The following PIBF1 variants were observed in gnomAD, a reference collection of about 807,000 sequenced individuals.
PIBF1 encodes progesterone immunomodulatory binding factor 1, also known as progesterone-induced-blocking factor 1.
PIBF1 carries 90 observed loss-of-function variants against 112.5 expected under a neutral mutation model. That is an observed-to-expected ratio of 0.80 (90% CI 0.67 to 0.95). The LOEUF (loss-of-function observed/expected upper bound fraction) is 0.95, where lower values mean the gene tolerates loss of function less well. Among genes scored for constraint, PIBF1 ranks in the 40% least tolerant of loss-of-function variants. PIBF1 has a pLI of 0.00. For missense variants in PIBF1, 915 were observed against 852.3 expected (o/e 1.07, Z -0.92); for synonymous variants, 301 against 288.6 (o/e 1.04, Z -0.44).
chr13:72,949,180 G>A (rs1252277260), intron 14 of PIBF1, among the ~76,000 whole-genome samples: 3 of 151,768 alleles, frequency 2.0e-5, no homozygotes. Flanking sequence ...AAGTGATTAA[G>A]CTTTTGGAAA....
chr13:72,963,654 A>G (rs1455530061), intron 14 of PIBF1, among the ~76,000 whole-genome samples: 1 of 152,142 alleles, frequency 6.6e-6, no homozygotes, highest in African/African-American at 2.4e-5. Flanking sequence ...AACCCACAAA[A>G]TGGAAGAAAA....
In PIBF1 at chr13:72,989,374, A is replaced by G. The variant is rs189660013; in HGVS notation, c.2050-9448A>G. Among the ~76,000 whole-genome samples, 146 of 151,212 alleles carry G rather than the reference A, an allele frequency of 9.7e-4. 1 individual carries two copies. The highest frequency in any genetic ancestry group is 3.2e-3 in the African/African-American group (133 of 41,514). On this transcript the variant is annotated intron_variant, in intron 16 of 17. Coordinates refer to ENST00000326291, the MANE Select transcript of PIBF1 (RefSeq NM_006346.4). ...TGAGTAAACAAAATTTGGTATATCC[A>G]TGCAGTGGAATATGATTTTGCCATG...
In PIBF1 at chr13:72,929,966, C is replaced by G. The variant is rs565792438; in HGVS notation, c.1731-1199C>G. Among the ~76,000 whole-genome samples the G allele has an allele frequency of 5.8e-4, 88 of 152,132 alleles. 1 individual carries two copies. Among genetic ancestry groups the G allele is most frequent in the Non-Finnish European group, 4.9e-4 (33 of 67,978 alleles). On this transcript the variant is annotated intron_variant, in intron 13 of 17. Transcript: ENST00000326291. ...CCTCGAACTCCTGGGCTCACGTGAT[C>G]CCCCCATCTCAGCCTCCCAAGTAGC...
intron 14 of PIBF1, among the ~76,000 whole-genome samples, chr13:72,951,380 A>T (rs563261209): frequency 6.6e-6 from 1 of 152,208 alleles, no homozygotes; most frequent in African/African-American, 2.4e-5. Flanking sequence ...AAAGTTTTTT[A>T]ACTTCTTTGG....
intron 10 of PIBF1, among the ~76,000 whole-genome samples, chr13:72,868,505 G>T (rs1165813032): frequency 6.6e-6 from 1 of 152,024 alleles, no homozygotes; most frequent in African/African-American, 2.4e-5. Context: ...GGAAAGTCAA[G>T]GTATGATAAA....
At chr13:72,833,656 C>G (rs1447429180) in intron 8 of PIBF1, among the ~76,000 whole-genome samples, 1 of 152,186 alleles carries the variant, frequency 6.6e-6, no homozygotes, top group Non-Finnish European at 1.5e-5. Context: ...AGATGCCAAC[C>G]AGAGCTCTCC....
chr13:72,973,714 G>A (rs1429880069), intron 16 of PIBF1, 39 bp downstream of exon 16: 4 of 1,200,770 alleles, frequency 3.3e-6, no homozygotes, highest in Non-Finnish European at 4.8e-6. Flanking sequence ...ATCATTTTAG[G>A]CTTTTTTAAA....
chr13:72,931,718 GTATATATATA>G (rs3077704), intron 14 of PIBF1, among the ~76,000 whole-genome samples: 59 of 101,972 alleles, frequency 5.8e-4, no homozygotes, highest in Admixed American at 2.7e-3. Flanking sequence ...TTTAAACTAC[GTATATATATA>G]TATATATATA....
intron 14 of PIBF1, among the ~76,000 whole-genome samples, chr13:72,931,496 T>C (rs898219090): frequency 5.9e-5 from 9 of 151,986 alleles, no homozygotes; most frequent in Admixed American, 1.3e-4. Flanking sequence ...AAATGCAGAC[T>C]AGACAGACAG....
At chr13:72,837,706 C>T (rs1013433375) in intron 9 of PIBF1, among the ~76,000 whole-genome samples, 1 of 151,988 alleles carries the variant, frequency 6.6e-6, no homozygotes, top group Non-Finnish European at 1.5e-5. Context: ...TCTATGTTTC[C>T]AGTATATAAA....
intron 17 of PIBF1, among the ~76,000 whole-genome samples, chr13:73,015,453 A>G (rs1478956847): frequency 6.6e-6 from 1 of 152,248 alleles, no homozygotes; most frequent in Non-Finnish European, 1.5e-5. Context: ...TTAGAAATTC[A>G]TAAGATCTAA....
At chr13:72,841,503 G>A (rs986955271) in intron 9 of PIBF1, among the ~76,000 whole-genome samples, 3 of 152,118 alleles carry the variant, frequency 2.0e-5, no homozygotes, top group African/African-American at 7.2e-5. Context: ...AGGTGTGGTG[G>A]CTAACACCTG....
intron 16 of PIBF1, among the ~76,000 whole-genome samples, chr13:72,996,719 A>G (rs374496583): frequency 1.3e-5 from 2 of 152,204 alleles, no homozygotes; most frequent in African/African-American, 2.4e-5. Context: ...ATGAACTGTG[A>G]TCACACCATA....
At chr13:72,841,440 A>C (rs2037606030) in intron 9 of PIBF1, among the ~76,000 whole-genome samples, 1 of 152,212 alleles carries the variant, frequency 6.6e-6, no homozygotes, top group African/African-American at 2.4e-5. Flanking sequence ...CAGATAAGTC[A>C]CTTAATATCC....
intron 3 of PIBF1, among the ~76,000 whole-genome samples, chr13:72,794,054 CA>C (rs2035068927): frequency 6.6e-6 from 1 of 151,962 alleles, no homozygotes; most frequent in African/African-American, 2.4e-5. Context: ...TAAGACAAAG[CA>C]GAAAAGGAGA....
intron 16 of PIBF1, among the ~76,000 whole-genome samples, chr13:72,981,366 T>C (rs1026280952): frequency 6.6e-6 from 1 of 151,728 alleles, no homozygotes; most frequent in African/African-American, 2.4e-5. Flanking sequence ...AGAAGCAAAA[T>C]AGACATTAAA....
intron 13 of PIBF1, among the ~76,000 whole-genome samples, chr13:72,918,157 C>A (rs372765481): frequency 6.6e-6 from 1 of 152,136 alleles, no homozygotes; most frequent in African/African-American, 2.4e-5. Flanking sequence ...TCCATCAAAT[C>A]TAAATGTTTC....
chr13:73,011,993 A>G (rs888399871), intron 17 of PIBF1, among the ~76,000 whole-genome samples: 1 of 152,172 alleles, frequency 6.6e-6, no homozygotes, highest in African/African-American at 2.4e-5. Flanking sequence ...AGAAAGATGA[A>G]AATCCTAAGA....
intron 2 of PIBF1, among the ~76,000 whole-genome samples, chr13:72,785,200 G>A (rs1169520017): frequency 6.6e-6 from 1 of 152,102 alleles, no homozygotes; most frequent in Non-Finnish European, 1.5e-5. Context: ...CACACAAGAC[G>A]TATTAGCCGT....
Sources: allele counts gnomAD v4.1 joint callset (sites outside exome capture counted in the v4.1 genomes callset), GRCh38; gene constraint gnomAD v4.1.1; transcripts MANE v1.5; gene names NCBI Gene and HGNC (gene_info 2026-07-23, HGNC 2026-07-21).